Variants in PRKCQ observed in about 807,000 individuals in gnomAD.
PRKCQ encodes the protein protein kinase C theta type.
A neutral mutation model predicts 91.2 loss-of-function variants in PRKCQ; 41 were observed. The ratio of observed to expected loss-of-function variants is 0.45; its 90% CI spans 0.35 to 0.58. The LOEUF is 0.58. Among genes scored for constraint, PRKCQ ranks in the 20% least tolerant of loss-of-function variants. The pLI, the probability that PRKCQ is intolerant of heterozygous loss-of-function variation, is 0.00. For synonymous variants in PRKCQ, 307 were observed against 316.9 expected (o/e 0.97, Z 0.33); for missense variants, 673 against 896.5 (o/e 0.75, Z 3.18).
chr10:6,422,754 AG>A (rs1291819220), downstream of PRKCQ, among the ~76,000 whole-genome samples: 1 of 152,176 alleles, frequency 6.6e-6, no homozygotes, highest in Non-Finnish European at 1.5e-5. Flanking sequence ...TTATAGTCAA[AG>A]CTTCATCCGC....
intron 16 of PRKCQ, among the ~76,000 whole-genome samples, chr10:6,434,030 TAAAAAAAAAA>T (rs779037464): frequency 8.6e-6 from 1 of 115,662 alleles, no homozygotes; most frequent in Non-Finnish European, 1.7e-5. Context: ...CAAGACTCCT[TAAAAAAAAAA>T]AAAAAAAAAG....
chr10:6,402,224 G>A, the PRKCQ span, among the ~76,000 whole-genome samples: 1 of 152,064 alleles, frequency 6.6e-6, no homozygotes, highest in East Asian at 1.9e-4. Flanking sequence ...GGGAGGGATA[G>A]CATTAGGAGA....
chr10:6,450,985 A>G (rs1476888342), intron 15 of PRKCQ, among the ~76,000 whole-genome samples: 1 of 152,190 alleles, frequency 6.6e-6, no homozygotes, highest in African/African-American at 2.4e-5. Flanking sequence ...GAAAAATCCA[A>G]AACTGACACC....
intron 15 of PRKCQ, among the ~76,000 whole-genome samples, chr10:6,452,478 G>A (rs1031574023): frequency 2.1e-4 from 31 of 149,784 alleles, no homozygotes; most frequent in South Asian, 6.4e-4. Context: ...AATCAATATC[G>A]TGAAAATGGC....
intron 11 of PRKCQ, among the ~76,000 whole-genome samples, chr10:6,480,483 T>C (rs948152819): frequency 6.6e-6 from 1 of 152,250 alleles, no homozygotes; most frequent in Non-Finnish European, 1.5e-5. Context: ...AGCAACACAC[T>C]GTTGGCAATG....
At chr10:6,411,667 G>A in the PRKCQ span, among the ~76,000 whole-genome samples, 5 of 152,212 alleles carry the variant, frequency 3.3e-5, no homozygotes, top group African/African-American at 1.2e-4. Context: ...GCAGGGTTGA[G>A]TAGTTGCAAC....
At chr10:6,404,407 CTTTCT>C in the PRKCQ span, among the ~76,000 whole-genome samples, 3 of 150,814 alleles carry the variant, frequency 2.0e-5, no homozygotes, top group South Asian at 6.4e-4. Context: ...TTCTTTCCTT[CTTTCT>C]TTCTTTTTTC....
intron 8 of PRKCQ, among the ~76,000 whole-genome samples, chr10:6,490,893 T>G (rs73607007): frequency 0.039 from 2,657 of 68,190 alleles, 82 homozygotes; most frequent in African/African-American, 0.081. Context: ...TTCTTGAGGG[T>G]TTTTTTTTTT....
At chr10:6,557,032 C>G (rs1807110620) in intron 1 of PRKCQ, among the ~76,000 whole-genome samples, 1 of 152,152 alleles carries the variant, frequency 6.6e-6, no homozygotes, top group East Asian at 1.9e-4. Context: ...TTTCTTTAAC[C>G]CCTTGCCATT....
intron 1 of PRKCQ, among the ~76,000 whole-genome samples, chr10:6,533,216 GA>G (rs1255673156): frequency 6.6e-6 from 1 of 151,928 alleles, no homozygotes; most frequent in Non-Finnish European, 1.5e-5. Context: ...CTATTTTTTT[GA>G]GATGGAGTCT....
intron 1 of PRKCQ, among the ~76,000 whole-genome samples, chr10:6,555,139 G>A (rs943448): frequency 0.9 from 137,363 of 151,834 alleles, 62,941 homozygotes; most frequent in East Asian, 1. Context: ...GGTGGGAGGG[G>A]GGGGGTCTAG....
At chr10:6,500,985 A>C (rs940724070) in intron 4 of PRKCQ, among the ~76,000 whole-genome samples, 3 of 152,210 alleles carry the variant, frequency 2.0e-5, no homozygotes, top group Non-Finnish European at 4.4e-5. Flanking sequence ...GTAGGAAAAG[A>C]AATGGCAAAA....
the PRKCQ span, among the ~76,000 whole-genome samples, chr10:6,395,007 A>G: frequency 4.0e-5 from 6 of 151,162 alleles, no homozygotes; most frequent in Non-Finnish European, 8.8e-5. Context: ...GGGAATTGCA[A>G]TAGAGAACAA....
At chr10:6,395,292 C>T in the PRKCQ span, among the ~76,000 whole-genome samples, 1 of 151,666 alleles carries the variant, frequency 6.6e-6, no homozygotes, top group Non-Finnish European at 1.5e-5. Flanking sequence ...TCTCGATCTC[C>T]TGACCTCGTG....
At chr10:6,397,173 T>C in the PRKCQ span, among the ~76,000 whole-genome samples, 1 of 152,218 alleles carries the variant, frequency 6.6e-6, no homozygotes, top group African/African-American at 2.4e-5. Flanking sequence ...CTCAGCCCAC[T>C]GCAAGTTCTG....
rs75929683 is a variant in PRKCQ at position 6,462,091 on chromosome 10, A to G, written c.1508+212T>C. Among the ~76,000 whole-genome samples the G allele has an allele frequency of 7.1e-3, 1,084 of 152,316 alleles. 15 individuals carry two copies. Among genetic ancestry groups the G allele is most frequent in the African/African-American group, 0.025 (1,036 of 41,558 alleles). ...AAGTGAGAACCAGCATAAAGGACAG[A>G]ATGAGCTCAGCACTTTCCTGCTGTT... On this transcript the variant is annotated intron_variant, in intron 14 of 17. Coordinates refer to ENST00000263125, the MANE Select transcript of PRKCQ (RefSeq NM_006257.5).
chr10:6,552,460 C>CTTT (rs59752400), intron 1 of PRKCQ, among the ~76,000 whole-genome samples: 7 of 137,290 alleles, frequency 5.1e-5, no homozygotes, highest in African/African-American at 1.9e-4. Flanking sequence ...ACCTGTTAGT[C>CTTT]TTTTTTTTTT....
rs747484122 is a variant in PRKCQ, at chr10:6,430,822, G to A, written c.1953C>T (p.Phe651=). ...AGCGAGTCCTTACCACTTTCGGCCG[G>A]AACGGTGGGTCAATCTCCTTCCGTT... ...ELERKEIDPP[F]RPKVKSPFDC... Residue 651 remains phenylalanine, a synonymous_variant, in exon 17 of 18, where the codon TTC becomes TTT. Transcript: ENST00000263125. The surrounding 1 kb of genome is among the most constrained non-coding windows in gnomAD (Gnocchi z 4.7). The A allele has an allele frequency of 1.8e-5, 29 of 1,613,926 alleles. No individual in the cohort carries two copies. Among genetic ancestry groups the A allele is most frequent in the Admixed American group, 3.3e-5 (2 of 60,006 alleles).
At chr10:6,460,178 T>G (rs1194315855) in intron 14 of PRKCQ, among the ~76,000 whole-genome samples, 1 of 152,248 alleles carries the variant, frequency 6.6e-6, no homozygotes, top group Non-Finnish European at 1.5e-5. Context: ...TAAACTCATT[T>G]TTTTTTCTTG....
Sources: allele counts gnomAD v4.1 joint callset (sites outside exome capture counted in the v4.1 genomes callset), GRCh38; gene constraint gnomAD v4.1.1; non-coding constraint Gnocchi (gnomAD v3.1); transcripts MANE v1.5; gene names NCBI Gene and HGNC (gene_info 2026-07-23, HGNC 2026-07-21).